The following ADH7 variants were observed in gnomAD, a reference collection of about 807,000 sequenced individuals.
The protein encoded by ADH7 is alcohol dehydrogenase 7 (class IV), mu or sigma polypeptide.
In ADH7, 41 loss-of-function variants were observed where a neutral mutation model predicts 34.4. That is an observed-to-expected ratio of 1.19 (90% CI 0.93 to 1.55). The LOEUF (loss-of-function observed/expected upper bound fraction) is 1.55, where lower values mean the gene tolerates loss of function less well. Ranked by LOEUF, ADH7 falls within the 40% of genes most tolerant of loss-of-function variation. The pLI is 0.00. For synonymous variants in ADH7, 180 were observed against 160.9 expected (o/e 1.12, Z -0.90); for missense variants, 540 against 461.2 (o/e 1.17, Z -1.56).
intron 3 of ADH7, 40 bp downstream of exon 3, chr4:99,428,452 C>G (rs1721863680): frequency 6.3e-7 from 1 of 1,595,850 alleles, no homozygotes; most frequent in Admixed American, 1.8e-5. Flanking sequence ...CTAATCAAAG[C>G]CTAATTATTT....
At chr4:99,422,411 C>T (rs1414199649) in intron 5 of ADH7, among the ~76,000 whole-genome samples, 2 of 152,036 alleles carry the variant, frequency 1.3e-5, no homozygotes, top group East Asian at 1.9e-4. Flanking sequence ...GAACAGAAAA[C>T]CAAACACCAC....
chr4:99,424,941 C>T (rs1454586827), intron 5 of ADH7, among the ~76,000 whole-genome samples: 1 of 151,982 alleles, frequency 6.6e-6, no homozygotes, highest in Non-Finnish European at 1.5e-5. Flanking sequence ...AGAGGGTATC[C>T]CTGTCTTGTG....
chr4:99,422,894 T>C (rs1467995201), intron 5 of ADH7, among the ~76,000 whole-genome samples: 5 of 149,508 alleles, frequency 3.3e-5, no homozygotes, highest in Non-Finnish European at 7.4e-5. Flanking sequence ...ATTATTATTA[T>C]ACTTTAAGTT....
chr4:99,434,101 T>A (rs535753007), intron 1 of ADH7, among the ~76,000 whole-genome samples: 1 of 152,322 alleles, frequency 6.6e-6, no homozygotes, highest in South Asian at 2.1e-4. Flanking sequence ...TGGAAAGTGC[T>A]GCCTTGAGGC....
intron 7 of ADH7, among the ~76,000 whole-genome samples, chr4:99,416,884 T>C (rs1405302235): frequency 6.6e-6 from 1 of 152,138 alleles, no homozygotes; most frequent in Non-Finnish European, 1.5e-5. Flanking sequence ...AATCTATTCC[T>C]TCTATAGTCT....
At chr4:99,420,843 G>A in intron 5 of ADH7, 50 bp from the exon 6 acceptor site, 1 of 1,577,000 alleles carries the variant, frequency 6.3e-7, no homozygotes, top group Non-Finnish European at 8.6e-7. Flanking sequence ...GTCAAAAAGT[G>A]AAACCTGAAA....
Position 99,435,266 on chromosome 4 carries a change from A to G in ADH7, c.-33T>C. On this transcript the variant is annotated 5_prime_UTR_variant, in exon 1 of 9. Transcript: ENST00000437033. The stretch of plus-strand genomic sequence containing the variant: ...TTGTCTTGGATCTGTATTTCTGCAA[A>G]CATAGACTTTTTCTGACTGATGCTC... 4 of 1,613,238 alleles carry G rather than the reference A, an allele frequency of 2.5e-6. No individual in the cohort carries two copies. The highest frequency in any genetic ancestry group is 3.4e-6 in the Non-Finnish European group (4 of 1,179,654).
intron 8 of ADH7, 144 bp downstream of exon 8, chr4:99,415,334 G>C (rs1297230314): frequency 1.1e-6 from 1 of 891,566 alleles, no homozygotes; most frequent in Non-Finnish European, 1.8e-6. Flanking sequence ...TAATGCAGTG[G>C]GTAAAGAGAA....
chr4:99,428,468 T>C (rs1453986583), intron 3 of ADH7, 24 bp downstream of exon 3: 2 of 1,602,588 alleles, frequency 1.2e-6, no homozygotes, highest in Non-Finnish European at 1.7e-6. Context: ...TATTTCAAAC[T>C]TGTGGTTTGA....
chr4:99,420,655 C>T lies in ADH7; in HGVS notation c.703G>A (p.Val235Ile). 1 of 1,613,962 alleles carries T rather than the reference C, an allele frequency of 6.2e-7. No homozygotes were observed. The highest frequency in any genetic ancestry group is 8.5e-7 in the Non-Finnish European group (1 of 1,179,932). ...GGACTGATACACTCAGTGGCACCTA[C>T]AGCCATGGCCTTCTCAAATTTGTCT... is the stretch of plus-strand genomic sequence containing the variant. ...NKDKFEKAMA[V>I]GATECISPKD... Residue 235 changes from valine to isoleucine, a missense_variant, in exon 6 of 9, where the codon GTA becomes ATA. Transcript: ENST00000437033.
chr4:99,415,512 T>C lies in ADH7; in HGVS notation c.1066A>G (p.Ser356Gly). ...GAATTGAGCAGCTCAAATCCTTCAC[T>C]GATTTTTTTAAATGGTAAAACATGA... Reference protein sequence around the residue: ...ITHVLPFKKISEGFELLNSGQ... With the variant: ...ITHVLPFKKIGEGFELLNSGQ... Residue 356 changes from serine (S) to glycine (G), a missense_variant, in exon 8 of 9, where the codon AGT becomes GGT. Transcript: ENST00000437033. 1 of 1,613,366 alleles carries C rather than the reference T, an allele frequency of 6.2e-7. No individual in the cohort carries two copies. The highest frequency in any genetic ancestry group is 8.5e-7 in the Non-Finnish European group (1 of 1,179,556).
rs754923415 is a variant in ADH7, at chr4:99,420,516, C to T, written c.825+17G>A. ...ATAACTTGGGTATTTTGTGGCTTCTCAAATTTTGGGTCTTACCATGGTTTC... is the reference window on the plus strand; with the variant it reads ...ATAACTTGGGTATTTTGTGGCTTCTTAAATTTTGGGTCTTACCATGGTTTC... On this transcript the variant is annotated intron_variant, in intron 6 of 8. Transcript: ENST00000437033. 8 of 1,606,572 alleles carry T rather than the reference C, an allele frequency of 5.0e-6. No individual in the cohort carries two copies. The highest frequency in any genetic ancestry group is 6.8e-6 in the Non-Finnish European group (8 of 1,174,810).
intron 5 of ADH7, among the ~76,000 whole-genome samples, chr4:99,426,432 C>T (rs983158902): frequency 6.6e-6 from 1 of 152,164 alleles, no homozygotes. Flanking sequence ...CTACAAACAC[C>T]TCTACGCAAA....
At position 99,427,759 on chromosome 4, in the gene ADH7, A is replaced by G; in HGVS notation, c.564+14T>C. On this transcript the variant is annotated intron_variant, in intron 5 of 8. Coordinates refer to ENST00000437033, the MANE Select transcript of ADH7 (RefSeq NM_000673.7). Reference sequence around the variant, plus strand: ...GAAAGAAGAACAAATAAACTAGCCTACCCTGTTTCTTACCTTGCCAGTTTT... The same window carrying G: ...GAAAGAAGAACAAATAAACTAGCCTGCCCTGTTTCTTACCTTGCCAGTTTT... The G allele has an allele frequency of 6.7e-7, 1 of 1,501,362 alleles. No homozygotes were observed. The highest frequency in any genetic ancestry group is 8.9e-7 in the Non-Finnish European group (1 of 1,122,426). 93.0% of individuals were successfully genotyped at this position (1,501,362 alleles called of 1,614,324 possible).
At chr4:99,429,259 C>T (rs1367302768) in intron 2 of ADH7, among the ~76,000 whole-genome samples, 2 of 152,144 alleles carry the variant, frequency 1.3e-5, no homozygotes, top group Admixed American at 6.5e-5. Context: ...GATTATTAAC[C>T]ATTTTAAATT....
chr4:99,429,967 T>A (rs367969758), intron 1 of ADH7, among the ~76,000 whole-genome samples: 1 of 152,226 alleles, frequency 6.6e-6, no homozygotes, highest in East Asian at 1.9e-4. Context: ...GGTTATTTTG[T>A]TACAATTTCA....
rs144172801 is a variant in ADH7, at chr4:99,415,612, C to G, written c.966G>C (p.Leu322Phe). 2.9e-5 allele frequency: 46 copies of G among 1,612,410 alleles called. No homozygotes were observed. In the East Asian group the frequency reaches 7.8e-4, roughly 27 times the overall value. Residue 322 changes from leucine (L) to phenylalanine (F), a missense_variant, in exon 8 of 9, where the codon TTG (leucine) becomes TTC (phenylalanine). Physicochemically the swap from Leu to Phe is conservative, Grantham distance 22. Transcript: ENST00000437033. ...RTWKGCVFGG[L>F]KSRDDVPKLV... ...GTTTTGGGACATCATCTCTGCTTTT[C>G]AAACCTGCAAATAAGCACACATTTT...
intron 7 of ADH7, among the ~76,000 whole-genome samples, chr4:99,416,873 C>G (rs557495883): frequency 6.6e-6 from 1 of 152,112 alleles, no homozygotes; most frequent in Non-Finnish European, 1.5e-5. Context: ...CCCTAGCCCC[C>G]AATCTATTCC....
chr4:99,419,682 A>C (rs1378702213), intron 6 of ADH7, among the ~76,000 whole-genome samples: 1 of 152,178 alleles, frequency 6.6e-6, no homozygotes, highest in African/African-American at 2.4e-5. Context: ...GCCTTCATCA[A>C]GTAGCAACTG....
Sources: allele counts gnomAD v4.1 joint callset (sites outside exome capture counted in the v4.1 genomes callset), GRCh38; gene constraint gnomAD v4.1.1; transcripts MANE v1.5; gene names NCBI Gene and HGNC (gene_info 2026-07-23, HGNC 2026-07-21).